Variants in EPB41 observed in about 807,000 individuals in gnomAD.
EPB41 encodes the protein protein 4.1.
A neutral mutation model predicts 108.0 loss-of-function variants in EPB41; 65 were observed. The observed-to-expected ratio is 0.60, with a 90% CI of 0.49 to 0.74. The LOEUF is 0.74. Among genes scored for constraint, EPB41 ranks in the 30% least tolerant of loss-of-function variants. The probability of loss-of-function intolerance (pLI) is 0.00; values close to 1 mark genes in which losing one functional copy is unlikely to be tolerated. For missense variants in EPB41, 875 were observed against 1,037.0 expected (o/e 0.84, Z 2.15); for synonymous variants, 336 against 358.9 (o/e 0.94, Z 0.72).
chr1:28,909,157 C>CAAA (rs35591255), intron 1 of EPB41, among the ~76,000 whole-genome samples: 15 of 122,970 alleles, frequency 1.2e-4, no homozygotes, highest in African/African-American at 4.3e-4. Context: ...GACTCCGTCT[C>CAAA]AAAAAAAAAA....
intron 1 of EPB41, among the ~76,000 whole-genome samples, chr1:28,955,837 G>T (rs2094929429): frequency 6.6e-6 from 1 of 152,154 alleles, no homozygotes; most frequent in Non-Finnish European, 1.5e-5. Context: ...TATGTTGTCT[G>T]TTTTAACTAC....
intron 1 of EPB41, among the ~76,000 whole-genome samples, chr1:28,934,731 T>C (rs1016636619): frequency 6.7e-6 from 1 of 149,288 alleles, no homozygotes; most frequent in African/African-American, 2.5e-5. Context: ...TACTTTGTGG[T>C]ACTACAAAAT....
chr1:29,102,420 AAAAAC>A (rs1447983862), intron 17 of EPB41, among the ~76,000 whole-genome samples: 3 of 152,130 alleles, frequency 2.0e-5, no homozygotes, highest in African/African-American at 7.2e-5. Flanking sequence ...ATGGGTACTA[AAAAAC>A]AAAACAAAAA....
intron 17 of EPB41, among the ~76,000 whole-genome samples, chr1:29,108,803 C>T (rs910851721): frequency 1.3e-5 from 2 of 151,094 alleles, no homozygotes; most frequent in African/African-American, 2.4e-5. Flanking sequence ...GTGATCCACC[C>T]GCCTACACCT....
chr1:29,002,680 G>GA (rs906736279), intron 4 of EPB41, among the ~76,000 whole-genome samples: 7 of 152,064 alleles, frequency 4.6e-5, no homozygotes, highest in African/African-American at 1.4e-4. Flanking sequence ...TTAGCTATTG[G>GA]AAAAAGATAA....
intron 9 of EPB41, among the ~76,000 whole-genome samples, chr1:29,035,012 C>T (rs1474994236): frequency 7.9e-5 from 10 of 126,320 alleles, no homozygotes; most frequent in African/African-American, 2.6e-4. Context: ...GAAGAAGTCT[C>T]GCTTTGTCAC....
At chr1:28,917,462 G>A (rs894426011) in intron 1 of EPB41, among the ~76,000 whole-genome samples, 22 of 152,030 alleles carry the variant, frequency 1.4e-4, no homozygotes, top group African/African-American at 5.3e-4. Context: ...TGTATTTTTA[G>A]TAGAGTTGGG....
chr1:28,971,222 C>T (rs1404091625), intron 1 of EPB41, among the ~76,000 whole-genome samples: 4 of 111,250 alleles, frequency 3.6e-5, no homozygotes, highest in Non-Finnish European at 1.6e-5. Flanking sequence ...GTCCCTCTGT[C>T]GCCCAGGCTG....
chr1:28,965,811 T>C (rs1012552775), intron 1 of EPB41, among the ~76,000 whole-genome samples: 2 of 152,216 alleles, frequency 1.3e-5, no homozygotes, highest in African/African-American at 2.4e-5. Context: ...GAATAAACTT[T>C]AGCGTTTTCA....
intron 1 of EPB41, among the ~76,000 whole-genome samples, chr1:28,926,832 A>T (rs1307927688): frequency 6.6e-6 from 1 of 152,176 alleles, no homozygotes; most frequent in Non-Finnish European, 1.5e-5. Context: ...CTTAAATTGG[A>T]TGTCTGTCTA....
At chr1:28,899,856 CAG>C (rs2091092153) in intron 1 of EPB41, among the ~76,000 whole-genome samples, 1 of 152,154 alleles carries the variant, frequency 6.6e-6, no homozygotes, top group Non-Finnish European at 1.5e-5. Context: ...GATTTGTGAG[CAG>C]AGAGACTTTG....
chr1:28,911,097 G>A, upstream of EPB41: 1 of 985,350 alleles, frequency 1.0e-6, no homozygotes, highest in Non-Finnish European at 1.2e-6. Context: ...GGGCAGATGG[G>A]CCCAGGAGTA....
chr1:29,009,439 G>A (rs1273625683), intron 4 of EPB41, among the ~76,000 whole-genome samples: 3 of 152,074 alleles, frequency 2.0e-5, no homozygotes, highest in Admixed American at 6.6e-5. Flanking sequence ...AGAAATTCTC[G>A]CACAGACTCA....
At chr1:29,090,799 C>T (rs1343968342) in intron 16 of EPB41, among the ~76,000 whole-genome samples, 1 of 152,098 alleles carries the variant, frequency 6.6e-6, no homozygotes. Context: ...GCCCAGAGAG[C>T]AGCAGAGATG....
chr1:29,066,621 A>G (rs1417727283), intron 16 of EPB41, among the ~76,000 whole-genome samples: 3 of 152,204 alleles, frequency 2.0e-5, no homozygotes, highest in African/African-American at 7.2e-5. Context: ...CCCCAAAACA[A>G]TAGCAATTCT....
upstream of EPB41, among the ~76,000 whole-genome samples, chr1:28,914,379 C>T (rs1290385965): frequency 1.3e-5 from 2 of 152,236 alleles, no homozygotes; most frequent in East Asian, 1.9e-4. Context: ...CTCTCCTTAC[C>T]GGCCTAGGGG....
intron 1 of EPB41, among the ~76,000 whole-genome samples, chr1:28,967,240 G>A (rs2095380795): frequency 6.6e-6 from 1 of 152,004 alleles, no homozygotes; most frequent in Admixed American, 6.6e-5. Flanking sequence ...GGATGGTCTC[G>A]ATTTCCTGAC....
intron 1 of EPB41, among the ~76,000 whole-genome samples, chr1:28,935,469 C>CACACACAAACACACACACACACACACA (rs1234434094): frequency 2.4e-5 from 1 of 42,276 alleles, no homozygotes; most frequent in Admixed American, 2.5e-4. Flanking sequence ...ACACACACAC[C>CACACACAAACACACACACACACACACA]CCCCCCCCCC....
chr1:28,986,031 C>T (rs1430449951), intron 1 of EPB41, among the ~76,000 whole-genome samples: 1 of 130,442 alleles, frequency 7.7e-6, no homozygotes, highest in Non-Finnish European at 1.6e-5. Context: ...CTTCCTGTGT[C>T]CATGTGATCT....
Sources: allele counts gnomAD v4.1 joint callset (sites outside exome capture counted in the v4.1 genomes callset), GRCh38; gene constraint gnomAD v4.1.1; transcripts MANE v1.5; gene names NCBI Gene and HGNC (gene_info 2026-07-23, HGNC 2026-07-21).